The following PLXDC2 variants were observed in gnomAD, a reference collection of about 807,000 sequenced individuals.
The protein encoded by PLXDC2 is plexin domain containing 2, also known as plexin domain-containing protein 2.
Under a neutral mutation model 68.9 loss-of-function variants are expected in PLXDC2, and 40 were observed. That is an observed-to-expected ratio of 0.58 (90% CI 0.45 to 0.76). The LOEUF is 0.76. PLXDC2 is among the 30% of genes least tolerant of loss of function. PLXDC2 has a pLI of 0.00. For missense variants in PLXDC2, 644 were observed against 661.9 expected (o/e 0.97, Z 0.30); for synonymous variants, 243 against 234.2 (o/e 1.04, Z -0.34).
At chr10:20,144,474 G>A (rs951645129) in intron 5 of PLXDC2, among the ~76,000 whole-genome samples, 7 of 152,104 alleles carry the variant, frequency 4.6e-5, no homozygotes, top group African/African-American at 1.2e-4. Flanking sequence ...GGAAATACAC[G>A]TTGAACATCT....
chr10:19,954,244 A>G (rs1011337380), intron 1 of PLXDC2, among the ~76,000 whole-genome samples: 3 of 152,172 alleles, frequency 2.0e-5, no homozygotes, highest in Middle Eastern at 3.4e-3. Flanking sequence ...CTATCAGCCC[A>G]TTTAACATTA....
intron 1 of PLXDC2, among the ~76,000 whole-genome samples, chr10:19,839,637 T>C (rs1326376648): frequency 2.0e-5 from 3 of 150,920 alleles, no homozygotes; most frequent in African/African-American, 2.4e-5. Context: ...ATGTTGGTGT[T>C]TTTTTTTTTT....
chr10:20,052,358 A>T (rs1835918424), intron 3 of PLXDC2, among the ~76,000 whole-genome samples: 1 of 151,920 alleles, frequency 6.6e-6, no homozygotes, highest in African/African-American at 2.4e-5. Flanking sequence ...TTTCATTTCC[A>T]TTGTGACTTT....
intron 2 of PLXDC2, among the ~76,000 whole-genome samples, chr10:20,013,899 C>T (rs986744965): frequency 4.6e-5 from 7 of 152,122 alleles, no homozygotes; most frequent in African/African-American, 1.4e-4. Context: ...AAGAGTGTCA[C>T]ATTCAAATGG....
intron 1 of PLXDC2, among the ~76,000 whole-genome samples, chr10:19,854,398 A>G (rs1011316896): frequency 1.3e-5 from 2 of 152,088 alleles, no homozygotes; most frequent in East Asian, 3.9e-4. Context: ...ACCCAAGGCA[A>G]TTTTGCCTCC....
chr10:20,081,869 T>C (rs1418177313), intron 4 of PLXDC2, among the ~76,000 whole-genome samples: 1 of 151,422 alleles, frequency 6.6e-6, no homozygotes, highest in Non-Finnish European at 1.5e-5. Context: ...TGAAACCCCA[T>C]CTCTACTAGA....
intron 1 of PLXDC2, among the ~76,000 whole-genome samples, chr10:19,988,257 G>A (rs1213470966): frequency 6.6e-6 from 1 of 152,166 alleles, no homozygotes; most frequent in African/African-American, 2.4e-5. Context: ...TAGCTTCCAG[G>A]AAAGATTAAG....
intron 4 of PLXDC2, among the ~76,000 whole-genome samples, chr10:20,077,058 G>A (rs1175302445): frequency 6.6e-6 from 1 of 152,052 alleles, no homozygotes; most frequent in African/African-American, 2.4e-5. Flanking sequence ...CCTTTTTATA[G>A]CAAGAATTGT....
intron 1 of PLXDC2, among the ~76,000 whole-genome samples, chr10:19,905,282 AT>A (rs1833136237): frequency 6.6e-6 from 1 of 152,246 alleles, no homozygotes; most frequent in Non-Finnish European, 1.5e-5. Flanking sequence ...GTCAGTGGAC[AT>A]AATTTAACTA....
intron 1 of PLXDC2, among the ~76,000 whole-genome samples, chr10:19,947,707 C>CTTTTTTTT (rs34439585): frequency 1.7e-5 from 2 of 120,972 alleles, no homozygotes; most frequent in African/African-American, 3.0e-5. Context: ...TTCTTTCTTT[C>CTTTTTTTT]TTTTTTTTTT....
At chr10:19,953,938 C>G (rs770654758) in intron 1 of PLXDC2, among the ~76,000 whole-genome samples, 1 of 151,908 alleles carries the variant, frequency 6.6e-6, no homozygotes, top group Non-Finnish European at 1.5e-5. Flanking sequence ...AAAGTGACAG[C>G]TGATAATTTT....
rs11011866 is a variant in PLXDC2, at chr10:20,204,320, C to G, written c.1062-7349C>G. Among the ~76,000 whole-genome samples the G allele has an allele frequency of 8.6e-3, 1,311 of 152,202 alleles. 18 individuals carry two copies. Among genetic ancestry groups the G allele is most frequent in the African/African-American group, 0.029 (1,211 of 41,530 alleles). On this transcript the variant is annotated intron_variant, in intron 9 of 13. Coordinates refer to ENST00000377252, the MANE Select transcript of PLXDC2 (RefSeq NM_032812.9). ...AAGAAAATTATTTTCCCATATCTTA[C>G]AGCTCTATACTACCAGTTACCTATT...
intron 1 of PLXDC2, among the ~76,000 whole-genome samples, chr10:19,976,277 G>A (rs570148882): frequency 3.9e-5 from 6 of 152,070 alleles, no homozygotes; most frequent in African/African-American, 9.6e-5. Flanking sequence ...ACAGTGGTGC[G>A]ATCTTGGCTC....
intron 12 of PLXDC2, among the ~76,000 whole-genome samples, chr10:20,230,383 A>C (rs572938346): frequency 1.3e-5 from 2 of 152,248 alleles, no homozygotes; most frequent in African/African-American, 4.8e-5. Context: ...AAAAGGAAAA[A>C]AAGGTGCCAG....
At chr10:19,919,159 G>A (rs564728795) in intron 1 of PLXDC2, among the ~76,000 whole-genome samples, 8 of 152,288 alleles carry the variant, frequency 5.3e-5, no homozygotes, top group Admixed American at 2.6e-4. Flanking sequence ...TGTAAATAGC[G>A]TCTGATTATT....
chr10:20,284,775 C>G lies in PLXDC2; in HGVS notation c.*4956C>G, dbSNP rs1836130269. On this transcript the variant is annotated 3_prime_UTR_variant, in exon 14 of 14. Transcript: ENST00000377252. ...TTGTCGGCACTTAAGGCCAACCAAG[C>G]AGCTTAGACAGCGCAGTCCACTCAA... The G allele has an allele frequency of 6.6e-6, 1 of 152,100 alleles. No homozygotes were observed. The highest frequency in any genetic ancestry group is 1.5e-5 in the Non-Finnish European group (1 of 68,026). The allele number at this position is 152,100 out of a possible 1,614,324, so 9.4% of individuals were successfully genotyped here.
At chr10:20,195,981 TC>T (rs1444329079) in intron 9 of PLXDC2, among the ~76,000 whole-genome samples, 1 of 152,088 alleles carries the variant, frequency 6.6e-6, no homozygotes, top group Non-Finnish European at 1.5e-5. Context: ...CTCTCTCTTT[TC>T]CCCCTTTATG....
intron 12 of PLXDC2, among the ~76,000 whole-genome samples, chr10:20,230,692 T>TCAAAAAAAAAAAAAAAAAAAAA (rs1835349963): frequency 3.8e-4 from 1 of 2,658 alleles, no homozygotes; most frequent in Non-Finnish European, 1.2e-3. Flanking sequence ...AGACCTTGTC[T>TCAAAAAAAAAAAAAAAAAAAAA]CAAAAAAAAA....
intron 2 of PLXDC2, among the ~76,000 whole-genome samples, chr10:20,013,545 A>G (rs967742147): frequency 1.3e-5 from 2 of 152,214 alleles, no homozygotes; most frequent in African/African-American, 4.8e-5. Flanking sequence ...TCCTTTTTCT[A>G]AGATTATAGT....
Sources: allele counts gnomAD v4.1 joint callset (sites outside exome capture counted in the v4.1 genomes callset), GRCh38; gene constraint gnomAD v4.1.1; transcripts MANE v1.5; gene names NCBI Gene and HGNC (gene_info 2026-07-23, HGNC 2026-07-21).